Variants in BCAS3 observed in about 807,000 individuals in gnomAD.
BCAS3 encodes the protein BCAS3 microtubule associated cell migration factor.
A neutral mutation model predicts 116.1 loss-of-function variants in BCAS3; 53 were observed. That is an observed-to-expected ratio of 0.46 (90% CI 0.37 to 0.57). The LOEUF is 0.57. Ranked by LOEUF, BCAS3 falls within the 20% of genes least tolerant of loss-of-function variation. The pLI is 0.00. For synonymous variants in BCAS3, 391 were observed against 408.2 expected, an observed-to-expected ratio of 0.96 and a Z score of 0.51; for missense variants, 917 against 1,165.4, an observed-to-expected ratio of 0.79 and a Z score of 3.10.
chr17:60,814,302 TGTGTGCGCGC>T lies in BCAS3; in HGVS notation c.476+6230_476+6239del, dbSNP rs1276475246. The stretch of plus-strand genomic sequence containing the variant: ...GTGTGTGTGTGTGTGTGTGTGTGTG[TGTGTGCGCGC>T]GTGCCCATTGCAAATGGGATTGCAT... On this transcript the variant is annotated intron_variant, in intron 7 of 23. Transcript: ENST00000407086. Among the ~76,000 whole-genome samples the T allele has an allele frequency of 3.6e-3, 502 of 138,838 alleles. 3 individuals are homozygous for T. The highest frequency in any genetic ancestry group is 0.014 in the African/African-American group (487 of 33,844). 91.1% of individuals were successfully genotyped at this position (138,838 alleles called of 152,430 possible).
chr17:61,096,810 T>C lies in BCAS3; in HGVS notation c.2425+12246T>C, dbSNP rs529478623. Among the ~76,000 whole-genome samples, 19 of 152,336 alleles carry C rather than the reference T, an allele frequency of 1.2e-4. No homozygotes were observed. In the South Asian group the frequency reaches 2.9e-3, roughly 23 times the overall value. On this transcript the variant is annotated intron_variant, in intron 22 of 23. Coordinates refer to ENST00000407086, the MANE Select transcript of BCAS3 (RefSeq NM_017679.5). Reference sequence around the variant, plus strand: ...GGAGGAAGGGTTTATTATTTCACTATGAAGTATAATGACAATAAGCAAAAA... The same window carrying C: ...GGAGGAAGGGTTTATTATTTCACTACGAAGTATAATGACAATAAGCAAAAA...
intron 22 of BCAS3, among the ~76,000 whole-genome samples, chr17:61,193,380 G>A (rs1054262666): frequency 2.0e-5 from 3 of 152,030 alleles, no homozygotes; most frequent in East Asian, 1.9e-4. Flanking sequence ...AATACAAGGC[G>A]GGAAAGAACA....
At chr17:60,807,436 T>C (rs1337083335) in intron 6 of BCAS3, among the ~76,000 whole-genome samples, 1 of 152,108 alleles carries the variant, frequency 6.6e-6, no homozygotes, top group African/African-American at 2.4e-5. Flanking sequence ...TTTTCTGATC[T>C]CATGGGGAAG....
intron 22 of BCAS3, among the ~76,000 whole-genome samples, chr17:61,230,572 T>C (rs1278265845): frequency 6.6e-6 from 1 of 152,212 alleles, no homozygotes; most frequent in Non-Finnish European, 1.5e-5. Context: ...TTTCTGTCCC[T>C]GCACTAATTT....
At chr17:60,984,089 A>G (rs1227216504) in intron 14 of BCAS3, among the ~76,000 whole-genome samples, 1 of 152,212 alleles carries the variant, frequency 6.6e-6, no homozygotes, top group Non-Finnish European at 1.5e-5. Context: ...TAAATTTCTC[A>G]GCTTTTAGGA....
rs1421698968 is a variant in BCAS3 at position 61,186,009 on chromosome 17, T to C, written c.2425+101445T>C. On this transcript the variant is annotated intron_variant, in intron 22 of 23. Transcript: ENST00000407086. The surrounding 1 kb of genome is among the most constrained non-coding windows in gnomAD (Gnocchi z 4.9). ...TATACACAGAATTTAGTTTCATCCGTACATTTACTAAATAGTTCCTTAGGA... is the reference window on the plus strand; with the variant it reads ...TATACACAGAATTTAGTTTCATCCGCACATTTACTAAATAGTTCCTTAGGA... 6.6e-6 allele frequency among the ~76,000 whole-genome samples: 1 copy of C among 152,204 alleles called. No homozygotes were observed. The highest frequency in any genetic ancestry group is 6.5e-5 in the Admixed American group (1 of 15,284).
Position 60,936,752 on chromosome 17 carries a change from G to A in BCAS3, c.1088-10467G>A, listed in dbSNP as rs560866321. 3.9e-5 allele frequency among the ~76,000 whole-genome samples: 6 copies of A among 152,200 alleles called. No homozygotes were observed. In the South Asian group the frequency reaches 1.2e-3, roughly 32 times the overall value. ...TTGTTTGAGTTTATTGTAGATTCTC[G>A]ATATTAGCCCTTTGTCAGATGAGTA... On this transcript the variant is annotated intron_variant, in intron 13 of 23. Coordinates refer to ENST00000407086, the MANE Select transcript of BCAS3 (RefSeq NM_017679.5).
At chr17:60,949,637 G>T (rs2060725536) in intron 14 of BCAS3, among the ~76,000 whole-genome samples, 1 of 152,104 alleles carries the variant, frequency 6.6e-6, no homozygotes, top group South Asian at 2.1e-4. Flanking sequence ...GTGATATTTT[G>T]ATACAGGCAT....
intron 7 of BCAS3, among the ~76,000 whole-genome samples, chr17:60,848,946 C>G (rs2052788561): frequency 6.6e-6 from 1 of 152,314 alleles, no homozygotes; most frequent in African/African-American, 2.4e-5. Flanking sequence ...TCTTCACTTC[C>G]CGCTTGAGAT....
chr17:61,271,437 T>TTTTTTTTTTTTTTTTTTTGTTTG (rs2050251666), intron 22 of BCAS3, among the ~76,000 whole-genome samples: 1 of 136,110 alleles, frequency 7.3e-6, no homozygotes, highest in Admixed American at 7.6e-5. Context: ...TTTTTTTTTT[T>TTTTTTTTTTTTTTTTTTTGTTTG]GTCTTAGGTG....
chr17:60,682,168 A>G (rs1004527284), intron 2 of BCAS3, among the ~76,000 whole-genome samples: 2 of 152,182 alleles, frequency 1.3e-5, no homozygotes, highest in African/African-American at 2.4e-5. Context: ...GAATACATAT[A>G]AGGCTGTCCC....
At position 61,220,039 on chromosome 17, in the gene BCAS3, T is replaced by C. The variant is rs2082021890; in HGVS notation, c.2425+135475T>C. Among the ~76,000 whole-genome samples, 1 of 152,170 alleles carries C rather than the reference T, an allele frequency of 6.6e-6. No individual in the cohort carries two copies. The highest frequency in any genetic ancestry group is 2.4e-5 in the African/African-American group (1 of 41,448). ...GGCCGGGCGCGGTGGCTCACGCCTG[T>C]AATCCCAGCACTTTGGGAGGTTGAG... On this transcript the variant is annotated intron_variant, in intron 22 of 23. Coordinates refer to ENST00000407086, the MANE Select transcript of BCAS3 (RefSeq NM_017679.5). This position sits in a 1 kb window ranked among gnomAD's most constrained non-coding sequence, Gnocchi z 4.5.
intron 8 of BCAS3, among the ~76,000 whole-genome samples, chr17:60,870,822 A>G (rs1267578700): frequency 6.6e-6 from 1 of 152,226 alleles, no homozygotes; most frequent in Non-Finnish European, 1.5e-5. Flanking sequence ...CTTGACTCCT[A>G]CAACAAAAAA....
At chr17:60,836,779 G>A (rs1036784666) in intron 7 of BCAS3, among the ~76,000 whole-genome samples, 1 of 152,092 alleles carries the variant, frequency 6.6e-6, no homozygotes, top group African/African-American at 2.4e-5. Context: ...CAGAAAAAGT[G>A]AAATGTTTCC....
At chr17:60,944,048 T>C (rs1372522704) in intron 13 of BCAS3, among the ~76,000 whole-genome samples, 2 of 151,774 alleles carry the variant, frequency 1.3e-5, no homozygotes, top group Non-Finnish European at 2.9e-5. Context: ...CCTGAAACAA[T>C]AATCTAAGCT....
intron 22 of BCAS3, among the ~76,000 whole-genome samples, chr17:61,121,051 T>A (rs1443857814): frequency 6.6e-6 from 1 of 152,160 alleles, no homozygotes; most frequent in Non-Finnish European, 1.5e-5. Flanking sequence ...TCTGGGAGAT[T>A]GGTTTGATCA....
At chr17:60,870,273 C>G in intron 8 of BCAS3, among the ~76,000 whole-genome samples, 1 of 152,170 alleles carries the variant, frequency 6.6e-6, no homozygotes, top group East Asian at 1.9e-4. Flanking sequence ...TTCGGGAGCC[C>G]TAGCAAGAGG....
intron 19 of BCAS3, among the ~76,000 whole-genome samples, chr17:61,043,284 C>A (rs1485064503): frequency 6.6e-6 from 1 of 151,984 alleles, no homozygotes; most frequent in South Asian, 2.1e-4. Flanking sequence ...ATGAGAATTG[C>A]TTGAACCTGG....
intron 15 of BCAS3, among the ~76,000 whole-genome samples, chr17:61,006,927 C>A (rs538797334): frequency 6.6e-6 from 1 of 151,968 alleles, no homozygotes; most frequent in African/African-American, 2.4e-5. Flanking sequence ...AACTACAATC[C>A]TAATACGTAA....
Sources: allele counts gnomAD v4.1 joint callset (sites outside exome capture counted in the v4.1 genomes callset), GRCh38; gene constraint gnomAD v4.1.1; non-coding constraint Gnocchi (gnomAD v3.1); transcripts MANE v1.5; gene names NCBI Gene and HGNC (gene_info 2026-07-23, HGNC 2026-07-21).